ANO3: variants seen among roughly 807,000 people sequenced by gnomAD.
ANO3 encodes the protein anoctamin-3.
A neutral mutation model predicts 144.8 loss-of-function variants in ANO3; 99 were observed. The observed-to-expected ratio is 0.68, with a 90% CI of 0.58 to 0.81. ANO3 has a LOEUF of 0.81. ANO3 is among the 30% of genes least tolerant of loss of function. The pLI, the probability that ANO3 is intolerant of heterozygous loss-of-function variation, is 0.00. For missense variants in ANO3, 905 were observed against 1,202.2 expected (o/e 0.75, Z 3.66); for synonymous variants, 414 against 392.6 (o/e 1.05, Z -0.64).
intron 3 of ANO3, among the ~76,000 whole-genome samples, chr11:26,447,829 A>G (rs1858758621): frequency 6.6e-6 from 1 of 152,196 alleles, no homozygotes; most frequent in African/African-American, 2.4e-5. Flanking sequence ...TGAATTTGAA[A>G]TCCTGGTGTG....
At chr11:26,346,945 GC>G (rs1855511165) in intron 1 of ANO3, among the ~76,000 whole-genome samples, 1 of 152,168 alleles carries the variant, frequency 6.6e-6, no homozygotes, top group African/African-American at 2.4e-5. Context: ...TTTATACACA[GC>G]CATTGCCATT....
intron 11 of ANO3, among the ~76,000 whole-genome samples, chr11:26,543,533 T>C (rs1490915443): frequency 2.6e-5 from 4 of 152,138 alleles, no homozygotes; most frequent in Non-Finnish European, 5.9e-5. Context: ...TATGTATACA[T>C]GTGCCATATT....
chr11:26,551,081 C>T (rs1285161260), intron 12 of ANO3, among the ~76,000 whole-genome samples: 2 of 151,994 alleles, frequency 1.3e-5, no homozygotes, highest in East Asian at 3.9e-4. Flanking sequence ...TAGTTTCACA[C>T]TTTTCCCCAA....
chr11:26,396,123 G>A (rs1464559803), intron 1 of ANO3, among the ~76,000 whole-genome samples: 6 of 152,114 alleles, frequency 3.9e-5, no homozygotes, highest in Non-Finnish European at 8.8e-5. Flanking sequence ...CAAAAAGTAG[G>A]CGAAGGATAT....
intron 1 of ANO3, among the ~76,000 whole-genome samples, chr11:26,439,380 A>C (rs1051283804): frequency 6.6e-6 from 1 of 152,262 alleles, no homozygotes; most frequent in African/African-American, 2.4e-5. Flanking sequence ...ATTAAAGTGC[A>C]AAGACAACTC....
intron 24 of ANO3, among the ~76,000 whole-genome samples, chr11:26,655,263 A>C (rs1278979015): frequency 1.3e-5 from 2 of 152,086 alleles, no homozygotes; most frequent in Admixed American, 1.3e-4. Context: ...GGTAAAATTC[A>C]TTGGTTTCTA....
intron 18 of ANO3, among the ~76,000 whole-genome samples, 198 bp from the exon 19 acceptor site, chr11:26,634,006 A>T (rs1852868300): frequency 6.7e-6 from 1 of 150,076 alleles, no homozygotes. Flanking sequence ...TGAACCTGGG[A>T]GGCACAGGTT....
chr11:26,654,284 CAT>C (rs1171954244), intron 24 of ANO3, among the ~76,000 whole-genome samples: 2 of 152,074 alleles, frequency 1.3e-5, no homozygotes, highest in African/African-American at 4.8e-5. Context: ...TTCTCTGAGA[CAT>C]GTGGTTTGGT....
Position 26,487,392 on chromosome 11 carries a change from A to G in ANO3, c.433-20712A>G, listed in dbSNP as rs980536263. 3.3e-5 allele frequency among the ~76,000 whole-genome samples: 5 copies of G among 152,296 alleles called. 1 individual carries two copies. Among genetic ancestry groups the G allele is most frequent in the Non-Finnish European group, 2.9e-5 (2 of 68,024 alleles). ...CTAGGCATGTGGAACTGTAAGTCCAATTAAACCTCTTTTTGTTCCCAGTTT... is the reference window on the plus strand; with the variant it reads ...CTAGGCATGTGGAACTGTAAGTCCAGTTAAACCTCTTTTTGTTCCCAGTTT... On this transcript the variant is annotated intron_variant, in intron 4 of 26. Coordinates refer to ENST00000256737, the MANE Select transcript of ANO3 (RefSeq NM_031418.4).
intron 1 of ANO3, among the ~76,000 whole-genome samples, chr11:26,226,677 A>G (rs1266584116): frequency 6.6e-6 from 1 of 152,032 alleles, no homozygotes; most frequent in East Asian, 1.9e-4. Flanking sequence ...ATGTTTATTT[A>G]ATAACTCCTG....
At chr11:26,402,800 C>T (rs879898013) in intron 1 of ANO3, among the ~76,000 whole-genome samples, 1 of 151,840 alleles carries the variant, frequency 6.6e-6, no homozygotes, top group Non-Finnish European at 1.5e-5. Flanking sequence ...GTGCAACAAA[C>T]CCCCATGACA....
chr11:26,193,251 C>A (rs1412011705), intron 1 of ANO3, among the ~76,000 whole-genome samples: 2 of 150,434 alleles, frequency 1.3e-5, no homozygotes, highest in Admixed American at 1.3e-4. Flanking sequence ...AAGCGATTAT[C>A]CTGCCTCAGC....
chr11:26,644,121 T>C (rs1853262274), intron 23 of ANO3, among the ~76,000 whole-genome samples: 1 of 152,224 alleles, frequency 6.6e-6, no homozygotes, highest in Admixed American at 6.5e-5. Context: ...CATGTGGTTT[T>C]CTATTGTGAG....
intron 1 of ANO3, among the ~76,000 whole-genome samples, chr11:26,260,668 A>G (rs1240145780): frequency 6.6e-6 from 1 of 152,144 alleles, no homozygotes; most frequent in African/African-American, 2.4e-5. Flanking sequence ...TACTCACTCA[A>G]ACACTGACTC....
chr11:26,239,690 C>G (rs912112334), intron 1 of ANO3, among the ~76,000 whole-genome samples: 6 of 152,202 alleles, frequency 3.9e-5, no homozygotes, highest in Admixed American at 1.3e-4. Flanking sequence ...TGCCCAGCTT[C>G]TGTCTGTCTT....
At chr11:26,296,678 A>C (rs971586212) in intron 1 of ANO3, among the ~76,000 whole-genome samples, 6 of 152,196 alleles carry the variant, frequency 3.9e-5, no homozygotes, top group African/African-American at 1.4e-4. Flanking sequence ...CTTCTATTAT[A>C]TCTCACTGCA....
chr11:26,450,451 A>G (rs929024656), intron 3 of ANO3, among the ~76,000 whole-genome samples: 1 of 152,306 alleles, frequency 6.6e-6, no homozygotes, highest in South Asian at 2.1e-4. Context: ...CAAAGAATTA[A>G]TAAGTCTGGG....
intron 1 of ANO3, among the ~76,000 whole-genome samples, chr11:26,429,501 AT>A (rs1858018402): frequency 6.6e-6 from 1 of 152,208 alleles, no homozygotes; most frequent in Admixed American, 6.5e-5. Flanking sequence ...TGAAGTAAAT[AT>A]GAAAACCTCA....
chr11:26,261,322 C>T (rs190498249), intron 1 of ANO3, among the ~76,000 whole-genome samples: 1 of 152,140 alleles, frequency 6.6e-6, no homozygotes, highest in East Asian at 1.9e-4. Context: ...TTTTATTGTA[C>T]CCTCTATCAA....
Sources: allele counts gnomAD v4.1 joint callset (sites outside exome capture counted in the v4.1 genomes callset), GRCh38; gene constraint gnomAD v4.1.1; transcripts MANE v1.5; gene names NCBI Gene and HGNC (gene_info 2026-07-23, HGNC 2026-07-21).